The following DOCK10 variants were observed in gnomAD, a reference collection of about 807,000 sequenced individuals.
DOCK10 encodes dedicator of cytokinesis 10.
DOCK10 carries 145 observed loss-of-function variants against 280.1 expected under a neutral mutation model. The ratio of observed to expected loss-of-function variants is 0.52; its 90% confidence interval spans 0.45 to 0.59. The LOEUF (loss-of-function observed/expected upper bound fraction) is 0.59, where lower values mean the gene tolerates loss of function less well. Ranked by LOEUF, DOCK10 falls within the 20% of genes least tolerant of loss-of-function variation. The probability of loss-of-function intolerance (pLI) is 0.00; values close to 1 mark genes in which losing one functional copy is unlikely to be tolerated. For synonymous variants in DOCK10, 915 were observed against 942.2 expected, an observed-to-expected ratio of 0.97 and a Z score of 0.53; for missense variants, 2,368 against 2,651.7, an observed-to-expected ratio of 0.89 and a Z score of 2.35.
chr2:225,042,232 G>A lies in DOCK10; in HGVS notation c.123+20C>T. On this transcript the variant is annotated intron_variant, in intron 1 of 55. Coordinates refer to ENST00000258390, the MANE Select transcript of DOCK10 (RefSeq NM_014689.3). This position sits in a 1 kb window ranked among gnomAD's most constrained non-coding sequence, Gnocchi z 5.1. ...GCGCCTGGGGCGCGCGGGAAGGCGC[G>A]GAGGACGCGCCGCACTCACCCGCTG... 2 of 1,248,080 alleles carry A rather than the reference G, an allele frequency of 1.6e-6. No homozygotes were observed. Among genetic ancestry groups the A allele is most frequent in the African/African-American group, 1.6e-5 (1 of 64,098 alleles). The allele number at this position is 1,248,080 out of a possible 1,614,324, so 77.3% of individuals were successfully genotyped here. A position where few individuals can be genotyped will look rare whatever the true frequency, so the allele number is the denominator to read the frequency against.
At chr2:224,793,843 G>A (rs1007960352) in intron 45 of DOCK10, among the ~76,000 whole-genome samples, 4 of 151,302 alleles carry the variant, frequency 2.6e-5, no homozygotes, top group Non-Finnish European at 2.9e-5. Flanking sequence ...TTCTAAATAA[G>A]TTTTTTTTTA....
At chr2:224,969,689 C>A (rs1704975785) in intron 1 of DOCK10, among the ~76,000 whole-genome samples, 1 of 152,108 alleles carries the variant, frequency 6.6e-6, no homozygotes, top group Admixed American at 6.5e-5. Flanking sequence ...ACTTGAAACC[C>A]ATCAGCATTC....
chr2:224,788,145 C>T (rs1396035708), intron 48 of DOCK10, among the ~76,000 whole-genome samples: 1 of 152,070 alleles, frequency 6.6e-6, no homozygotes, highest in African/African-American at 2.4e-5. Flanking sequence ...CTAGATTTGG[C>T]CACTGGGCAT....
At chr2:225,017,251 G>C (rs541888512) in intron 1 of DOCK10, among the ~76,000 whole-genome samples, 1 of 152,068 alleles carries the variant, frequency 6.6e-6, no homozygotes, top group Non-Finnish European at 1.5e-5. Flanking sequence ...TATTACCAGC[G>C]TAAGTCCAAA....
intron 16 of DOCK10, 104 bp from the exon 17 acceptor site, chr2:224,853,226 G>A: frequency 1.0e-6 from 1 of 967,432 alleles, no homozygotes. Context: ...AGAAACTCCT[G>A]GCTTGTACAC....
intron 3 of DOCK10, among the ~76,000 whole-genome samples, chr2:224,900,542 GA>G (rs1196101141): frequency 2.6e-5 from 4 of 152,184 alleles, no homozygotes; most frequent in Admixed American, 6.5e-5. Context: ...CCTTAAAAAT[GA>G]ACCGCACATT....
chr2:225,011,857 A>C (rs1185672958), intron 1 of DOCK10, among the ~76,000 whole-genome samples: 4 of 152,166 alleles, frequency 2.6e-5, no homozygotes, highest in Non-Finnish European at 5.9e-5. Flanking sequence ...CCAGAGTCAA[A>C]ACGACCTGAG....
intron 1 of DOCK10, among the ~76,000 whole-genome samples, chr2:224,941,653 G>A (rs886188618): frequency 6.6e-6 from 1 of 152,036 alleles, no homozygotes; most frequent in Admixed American, 6.5e-5. Context: ...AGACCAGCCT[G>A]GCCAACATGG....
intron 31 of DOCK10, among the ~76,000 whole-genome samples, chr2:224,808,350 G>T (rs1156574794): frequency 6.6e-6 from 1 of 152,124 alleles, no homozygotes; most frequent in Non-Finnish European, 1.5e-5. Context: ...ATATTTACAG[G>T]ATTACAGGAT....
intron 1 of DOCK10, among the ~76,000 whole-genome samples, chr2:224,978,414 T>C (rs918960013): frequency 2.6e-5 from 4 of 151,750 alleles, no homozygotes; most frequent in African/African-American, 4.8e-5. Context: ...GCCTGGGCAA[T>C]AGAGCAAGAC....
chr2:224,958,178 TATA>T (rs1704163637), intron 1 of DOCK10, among the ~76,000 whole-genome samples: 1 of 152,232 alleles, frequency 6.6e-6, no homozygotes, highest in Non-Finnish European at 1.5e-5. Flanking sequence ...ATGTGTGGAA[TATA>T]ATAAAATGCT....
chr2:224,961,460 T>TTCTTTCTTTC (rs1704431189), intron 1 of DOCK10, among the ~76,000 whole-genome samples: 1 of 132,986 alleles, frequency 7.5e-6, no homozygotes, highest in African/African-American at 2.7e-5. Flanking sequence ...CTTTCTTTCT[T>TTCTTTCTTTC]TCTTTCTTTT....
intron 1 of DOCK10, among the ~76,000 whole-genome samples, chr2:224,951,861 C>A (rs1703750167): frequency 1.3e-5 from 2 of 152,202 alleles, no homozygotes; most frequent in African/African-American, 4.8e-5. Flanking sequence ...GTGGCCATTT[C>A]TTTGCTGTCT....
At position 225,030,070 on chromosome 2, in the gene DOCK10, C is replaced by T. The variant is rs551543288; in HGVS notation, c.123+12182G>A. On this transcript the variant is annotated intron_variant, in intron 1 of 55. Transcript: ENST00000258390. ...CTGAGGCAGAAGAATCACTGGAGCC[C>T]AGGAGGCAGAAGTTGCAGTGAGCCG... Among the ~76,000 whole-genome samples the T allele has an allele frequency of 8.3e-4, 124 of 149,966 alleles. 1 individual carries two copies. Among genetic ancestry groups the T allele is most frequent in the African/African-American group, 2.9e-3 (117 of 40,674 alleles).
At chr2:225,038,977 T>A (rs556410489) in intron 1 of DOCK10, among the ~76,000 whole-genome samples, 40 of 152,336 alleles carry the variant, frequency 2.6e-4, no homozygotes, top group Non-Finnish European at 4.3e-4. Flanking sequence ...ATACTTTTTT[T>A]AAAAAGTCTT....
intron 32 of DOCK10, 33 bp downstream of exon 32, chr2:224,807,878 T>A: frequency 6.3e-7 from 1 of 1,596,596 alleles, no homozygotes; most frequent in Non-Finnish European, 8.6e-7. Context: ...CATTAAATGG[T>A]GTTTAGGGAA....
chr2:224,972,734 T>A (rs1705165051), intron 1 of DOCK10, among the ~76,000 whole-genome samples: 1 of 152,232 alleles, frequency 6.6e-6, no homozygotes, highest in African/African-American at 2.4e-5. Context: ...TTCCTTATAA[T>A]TTTTAAATTT....
chr2:224,893,618 C>T, intron 4 of DOCK10: 1 of 450,118 alleles, frequency 2.2e-6, no homozygotes, highest in Non-Finnish European at 4.5e-6. Flanking sequence ...AGCCTGAAGT[C>T]ATCTATTTCT....
intron 11 of DOCK10, among the ~76,000 whole-genome samples, chr2:224,871,986 T>C (rs1698317288): frequency 6.6e-6 from 1 of 152,222 alleles, no homozygotes; most frequent in South Asian, 2.1e-4. Context: ...TTCCCAGTTC[T>C]TAGGACAAGT....
Sources: allele counts gnomAD v4.1 joint callset (sites outside exome capture counted in the v4.1 genomes callset), GRCh38; gene constraint gnomAD v4.1.1; non-coding constraint Gnocchi (gnomAD v3.1); transcripts MANE v1.5; gene names NCBI Gene and HGNC (gene_info 2026-07-23, HGNC 2026-07-21).